GFRA1: variants seen among roughly 807,000 people sequenced by gnomAD.
GFRA1 encodes GDNF family receptor alpha-1.
GFRA1 carries 16 observed loss-of-function variants against 51.6 expected under a neutral mutation model. That is an observed-to-expected ratio of 0.31 (90% CI 0.21 to 0.47). The LOEUF (loss-of-function observed/expected upper bound fraction) is 0.47. Ranked by LOEUF, GFRA1 falls within the 20% of genes least tolerant of loss-of-function variation. The probability of loss-of-function intolerance (pLI) is 1.00; values close to 1 mark genes in which losing one functional copy is unlikely to be tolerated. For synonymous variants in GFRA1, 270 were observed against 241.3 expected, an observed-to-expected ratio of 1.12 and a Z score of -1.10; for missense variants, 530 against 594.3, an observed-to-expected ratio of 0.89 and a Z score of 1.13.
intron 5 of GFRA1, among the ~76,000 whole-genome samples, chr10:116,151,150 A>C (rs780728053): frequency 1.3e-5 from 2 of 152,148 alleles, no homozygotes; most frequent in Non-Finnish European, 2.9e-5. Context: ...CTCTCTGTGG[A>C]CTGCTTACTG....
intron 5 of GFRA1, among the ~76,000 whole-genome samples, chr10:116,195,578 G>A (rs1296679084): frequency 2.0e-5 from 3 of 152,216 alleles, no homozygotes; most frequent in Non-Finnish European, 4.4e-5. Flanking sequence ...CTGACAGGAG[G>A]TGAAGCTCTG....
intron 5 of GFRA1, among the ~76,000 whole-genome samples, chr10:116,199,051 C>T (rs1056421695): frequency 6.6e-6 from 1 of 152,110 alleles, no homozygotes. Context: ...TGCTGAGAAT[C>T]CCCAGTAGCT....
chr10:116,113,766 G>A (rs1158169375), intron 6 of GFRA1, among the ~76,000 whole-genome samples: 3 of 152,164 alleles, frequency 2.0e-5, no homozygotes, highest in South Asian at 2.1e-4. Context: ...GGCACCACTT[G>A]GGTGATGTGG....
At chr10:116,274,250 C>G (rs1049499639), upstream of GFRA1, among the ~76,000 whole-genome samples, 46 of 151,750 alleles carry the variant, frequency 3.0e-4, no homozygotes, top group African/African-American at 1.0e-3. Context: ...GTCGGGAGAC[C>G]GGTCTAGGAG....
chr10:116,088,920 CAAAAAAAAAA>C (rs58590152), intron 9 of GFRA1, among the ~76,000 whole-genome samples: 7 of 49,048 alleles, frequency 1.4e-4, no homozygotes, highest in Non-Finnish European at 1.8e-4. Context: ...GACTCTGTCT[CAAAAAAAAAA>C]AAAAAAAAAA....
intron 4 of GFRA1, among the ~76,000 whole-genome samples, chr10:116,250,591 A>AG (rs1968254631): frequency 6.6e-6 from 1 of 152,222 alleles, no homozygotes; most frequent in East Asian, 1.9e-4. Flanking sequence ...AACAGGGCAA[A>AG]GCTGGCCCCT....
intron 5 of GFRA1, among the ~76,000 whole-genome samples, chr10:116,181,059 G>A (rs1565632141): frequency 6.6e-6 from 1 of 152,176 alleles, no homozygotes; most frequent in Non-Finnish European, 1.5e-5. Context: ...TGACGCTCTT[G>A]AGGTGGATGA....
intron 4 of GFRA1, among the ~76,000 whole-genome samples, chr10:116,267,944 C>CACACAA (rs1969799122): frequency 2.7e-5 from 1 of 37,592 alleles, no homozygotes; most frequent in Admixed American, 3.1e-4. Context: ...CAGACTAACA[C>CACACAA]ACACACACAC....
chr10:116,240,163 C>T (rs1051741170), intron 4 of GFRA1, among the ~76,000 whole-genome samples: 2 of 152,108 alleles, frequency 1.3e-5, no homozygotes, highest in Non-Finnish European at 2.9e-5. Flanking sequence ...TAGGTAGCAG[C>T]TGGTATAATC....
chr10:116,157,066 CAAGGAAT>C (rs1959223792), intron 5 of GFRA1, among the ~76,000 whole-genome samples: 2 of 152,126 alleles, frequency 1.3e-5, no homozygotes, highest in Admixed American at 1.3e-4. Flanking sequence ...CTCCCAGATA[CAAGGAAT>C]AAGGTAAGAA....
At chr10:116,125,630 A>G (rs1957840391) in intron 5 of GFRA1, 73 bp from the exon 6 acceptor site, 1 of 1,192,130 alleles carries the variant, frequency 8.4e-7, no homozygotes, top group African/African-American at 1.5e-5. Flanking sequence ...GTTTTAATTG[A>G]GATCCTGCCA....
At chr10:116,185,202 G>T (rs1388567621) in intron 5 of GFRA1, among the ~76,000 whole-genome samples, 1 of 151,800 alleles carries the variant, frequency 6.6e-6, no homozygotes, top group East Asian at 1.9e-4. Context: ...TTAAATCCCA[G>T]CTCTGCTACT....
intron 7 of GFRA1, among the ~76,000 whole-genome samples, chr10:116,096,435 GC>G (rs1177003602): frequency 6.6e-6 from 1 of 151,578 alleles, no homozygotes; most frequent in African/African-American, 2.4e-5. Flanking sequence ...AGTAATCCCC[GC>G]TTCCTGCCTC....
chr10:116,251,719 TCA>T (rs1177656005), intron 4 of GFRA1, among the ~76,000 whole-genome samples: 1 of 152,088 alleles, frequency 6.6e-6, no homozygotes, highest in Non-Finnish European at 1.5e-5. Context: ...CATCCCAGGC[TCA>T]GTTTCAAGAG....
intron 5 of GFRA1, among the ~76,000 whole-genome samples, chr10:116,178,001 C>T (rs1961799686): frequency 6.6e-6 from 1 of 152,030 alleles, no homozygotes; most frequent in South Asian, 2.1e-4. Flanking sequence ...AACAGTTACT[C>T]CTTCAGTTGC....
At chr10:116,180,387 T>C (rs1962095179) in intron 5 of GFRA1, among the ~76,000 whole-genome samples, 2 of 152,176 alleles carry the variant, frequency 1.3e-5, no homozygotes, top group African/African-American at 2.4e-5. Flanking sequence ...CCCTGACACA[T>C]ATTCCAAGAA....
At chr10:116,223,699 G>GT (rs1405115109) in intron 4 of GFRA1, among the ~76,000 whole-genome samples, 8 of 152,226 alleles carry the variant, frequency 5.3e-5, no homozygotes, top group Non-Finnish European at 1.0e-4. Flanking sequence ...TCAGCAAGCA[G>GT]TAAATGTGAT....
chr10:116,064,367 T>TA lies in GFRA1; in HGVS notation c.*30dup, dbSNP rs1565547339. The TA allele has an allele frequency of 2.5e-6, 4 of 1,600,328 alleles. No individual in the cohort carries two copies. The highest frequency in any genetic ancestry group is 3.4e-6 in the Non-Finnish European group (4 of 1,169,916). On this transcript the variant is annotated 3_prime_UTR_variant, in exon 11 of 11. Transcript: ENST00000355422. ...ACAGATAACTTGGTTTTTGTCTTTT[T>TA]ACATGTCCATATTGTATTTTTTTAA...
At chr10:116,201,998 A>G (rs1964371670) in intron 5 of GFRA1, among the ~76,000 whole-genome samples, 1 of 152,206 alleles carries the variant, frequency 6.6e-6, no homozygotes, top group Admixed American at 6.5e-5. Context: ...AACATACGAG[A>G]AGCATGTACA....
Sources: gnomAD v4.1 joint callset for allele counts (sites outside exome capture counted in the v4.1 genomes callset) on GRCh38, gnomAD v4.1.1 for gene constraint, MANE v1.5 for transcripts, NCBI Gene and HGNC (gene_info 2026-07-23, HGNC 2026-07-21) for gene names.